Variants in RBFOX1 observed in about 807,000 individuals in gnomAD.
RBFOX1 encodes RNA binding fox-1 homolog 1.
A neutral mutation model predicts 57.7 loss-of-function variants in RBFOX1; 8 were observed. That is an observed-to-expected ratio of 0.14 (90% CI 0.08 to 0.25). RBFOX1 has a LOEUF of 0.25. RBFOX1 is among the 10% of genes least tolerant of loss of function. RBFOX1 has a pLI of 1.00. For synonymous variants in RBFOX1, 326 were observed against 222.4 expected (o/e 1.47, Z -4.15); for missense variants, 611 against 548.5 (o/e 1.11, Z -1.14).
chr16:6,325,577 T>C (rs1277346514), intron 2 of RBFOX1, among the ~76,000 whole-genome samples: 1 of 152,188 alleles, frequency 6.6e-6, no homozygotes, highest in African/African-American at 2.4e-5. Context: ...GGATGTAGTG[T>C]TGTTTTCTGA....
intron 2 of RBFOX1, among the ~76,000 whole-genome samples, chr16:6,367,746 G>C (rs200426410): frequency 1.2e-5 from 1 of 81,538 alleles, no homozygotes; most frequent in African/African-American, 5.7e-5. Context: ...GATTGCAATT[G>C]TTAAAAAAAA....
intron 2 of RBFOX1, among the ~76,000 whole-genome samples, chr16:6,618,169 G>C (rs993124836): frequency 6.6e-6 from 1 of 152,044 alleles, no homozygotes; most frequent in Admixed American, 6.6e-5. Flanking sequence ...GGTTAGTTTG[G>C]GTCTGACTCT....
intron 4 of RBFOX1, among the ~76,000 whole-genome samples, chr16:7,311,407 G>T (rs1404987653): frequency 6.6e-6 from 1 of 150,718 alleles, no homozygotes. Flanking sequence ...GCAACTGTAG[G>T]ATTTAAGTGA....
intron 1 of RBFOX1, among the ~76,000 whole-genome samples, chr16:6,081,193 C>G (rs2095996017): frequency 6.6e-6 from 1 of 152,158 alleles, no homozygotes; most frequent in Non-Finnish European, 1.5e-5. Context: ...TCCCGGGACA[C>G]ATTTAAATCT....
At chr16:5,840,845 C>G (rs2056603155) in intron 3 of RBFOX1, among the ~76,000 whole-genome samples, 1 of 152,146 alleles carries the variant, frequency 6.6e-6, no homozygotes, top group South Asian at 2.1e-4. Context: ...TTGCCGAGAG[C>G]CAGTGCCTGT....
At chr16:6,638,137 A>G (rs193093206) in intron 2 of RBFOX1, among the ~76,000 whole-genome samples, 139 of 152,294 alleles carry the variant, frequency 9.1e-4, no homozygotes, top group African/African-American at 3.2e-3. Context: ...AAAGTAATCA[A>G]GACTTTAATG....
chr16:6,524,700 C>A (rs924951810), intron 2 of RBFOX1, among the ~76,000 whole-genome samples: 1 of 152,186 alleles, frequency 6.6e-6, no homozygotes, highest in African/African-American at 2.4e-5. Context: ...CTGGGCCATG[C>A]TCCCTGTGAG....
chr16:7,105,309 C>CT (rs2063383922), intron 4 of RBFOX1, among the ~76,000 whole-genome samples: 2 of 136,336 alleles, frequency 1.5e-5, no homozygotes, highest in African/African-American at 5.7e-5. Flanking sequence ...TTTTTTTTGG[C>CT]TTCACCTATT....
At chr16:6,643,624 G>C (rs1390644444) in intron 2 of RBFOX1, among the ~76,000 whole-genome samples, 1 of 152,160 alleles carries the variant, frequency 6.6e-6, no homozygotes, top group Non-Finnish European at 1.5e-5. Flanking sequence ...TTCAAGCACA[G>C]TATATTGTGT....
intron 2 of RBFOX1, among the ~76,000 whole-genome samples, chr16:6,539,008 T>G (rs942990009): frequency 1.3e-5 from 2 of 152,186 alleles, no homozygotes; most frequent in African/African-American, 4.8e-5. Flanking sequence ...CAATGTTATT[T>G]TTACTGTCTC....
chr16:6,116,969 A>G (rs548053802), intron 1 of RBFOX1, among the ~76,000 whole-genome samples: 2 of 152,196 alleles, frequency 1.3e-5, no homozygotes, highest in Non-Finnish European at 2.9e-5. Context: ...CCGTTGGCAG[A>G]TACTAGAAGT....
intron 3 of RBFOX1, among the ~76,000 whole-genome samples, chr16:7,002,700 G>C (rs955668134): frequency 6.6e-5 from 10 of 152,132 alleles, no homozygotes; most frequent in African/African-American, 2.4e-4. Flanking sequence ...GATAGAGTGA[G>C]GGTCCAACTC....
chr16:7,123,258 G>A (rs962929806), intron 4 of RBFOX1, among the ~76,000 whole-genome samples: 2 of 152,054 alleles, frequency 1.3e-5, no homozygotes, highest in African/African-American at 4.8e-5. Flanking sequence ...GCATATTTTT[G>A]TTGTTATATC....
chr16:6,193,395 T>TATATATATA (rs2097157361), intron 1 of RBFOX1, among the ~76,000 whole-genome samples: 1 of 23,380 alleles, frequency 4.3e-5, no homozygotes, highest in Non-Finnish European at 9.5e-5. Flanking sequence ...ATATATACTA[T>TATATATATA]ATATATATAT....
At chr16:6,514,565 G>C (rs750246773) in intron 2 of RBFOX1, among the ~76,000 whole-genome samples, 1 of 152,128 alleles carries the variant, frequency 6.6e-6, no homozygotes, top group Non-Finnish European at 1.5e-5. Flanking sequence ...TGAAAGTGTA[G>C]GCACGTATGT....
intron 14 of RBFOX1, among the ~76,000 whole-genome samples, chr16:7,699,471 C>T (rs1598404966): frequency 6.6e-6 from 1 of 152,162 alleles, no homozygotes; most frequent in Non-Finnish European, 1.5e-5. Context: ...CGAGTACAGG[C>T]ACGGGCCCAC....
chr16:6,259,676 G>T (rs935073438), intron 1 of RBFOX1, among the ~76,000 whole-genome samples: 2 of 152,070 alleles, frequency 1.3e-5, no homozygotes, highest in African/African-American at 4.8e-5. Flanking sequence ...AAAACACTGG[G>T]GCCGGGTGCA....
chr16:5,660,095 A>C (rs535136821), intron 3 of RBFOX1, among the ~76,000 whole-genome samples: 2 of 152,346 alleles, frequency 1.3e-5, no homozygotes, highest in South Asian at 4.1e-4. Flanking sequence ...AAAACAGTTA[A>C]AAATCTCTCA....
chr16:6,658,733 G>A (rs895345906), intron 3 of RBFOX1, among the ~76,000 whole-genome samples: 2 of 152,042 alleles, frequency 1.3e-5, no homozygotes, highest in Admixed American at 6.6e-5. Context: ...GTGTATTGGA[G>A]TGTGGCTTTA....
Sources: allele counts gnomAD v4.1 joint callset (sites outside exome capture counted in the v4.1 genomes callset), GRCh38; gene constraint gnomAD v4.1.1; transcripts MANE v1.5; gene names NCBI Gene and HGNC (gene_info 2026-07-23, HGNC 2026-07-21).